TRPM3: variants seen among roughly 807,000 people sequenced by gnomAD.
The protein encoded by TRPM3 is long transient receptor potential channel 3.
TRPM3 carries 77 observed loss-of-function variants against 181.2 expected under a neutral mutation model. The ratio of observed to expected loss-of-function variants is 0.42; its 90% CI spans 0.35 to 0.51. The LOEUF (loss-of-function observed/expected upper bound fraction) is 0.51, where lower values mean the gene tolerates loss of function less well. Ranked by LOEUF, TRPM3 falls within the 20% of genes least tolerant of loss-of-function variation. The pLI, the probability that TRPM3 is intolerant of heterozygous loss-of-function variation, is 0.01. For missense variants in TRPM3, 1,759 were observed against 2,196.7 expected, an observed-to-expected ratio of 0.80 and a Z score of 3.98; for synonymous variants, 745 against 796.4, an observed-to-expected ratio of 0.94 and a Z score of 1.09.
intron 22 of TRPM3, among the ~76,000 whole-genome samples, chr9:70,568,826 C>T (rs1397682613): frequency 6.6e-6 from 1 of 152,178 alleles, no homozygotes; most frequent in Non-Finnish European, 1.5e-5. Flanking sequence ...TGTGTTCCAT[C>T]CTTTTGTCTG....
At chr9:70,630,117 A>G (rs920436870) in intron 12 of TRPM3, among the ~76,000 whole-genome samples, 3 of 152,064 alleles carry the variant, frequency 2.0e-5, no homozygotes, top group African/African-American at 7.2e-5. Flanking sequence ...ACTTATGGAT[A>G]CTCATTCAGG....
At chr9:70,920,959 C>A (rs1044811684) in intron 1 of TRPM3, among the ~76,000 whole-genome samples, 1 of 152,170 alleles carries the variant, frequency 6.6e-6, no homozygotes, top group Admixed American at 6.5e-5. Flanking sequence ...TGTTGCCAAA[C>A]AAATATACAT....
chr9:70,932,780 C>T (rs1234847145), intron 1 of TRPM3, among the ~76,000 whole-genome samples: 2 of 152,134 alleles, frequency 1.3e-5, no homozygotes, highest in African/African-American at 4.8e-5. Context: ...CTAATGGAAC[C>T]ACAGGATGCC....
chr9:71,246,390 C>T (rs902010934), intron 1 of TRPM3, among the ~76,000 whole-genome samples: 2 of 152,198 alleles, frequency 1.3e-5, no homozygotes, highest in African/African-American at 4.8e-5. Flanking sequence ...AAGAGTAGAA[C>T]AGTCAACAGA....
At chr9:71,192,947 G>T (rs898492759) in intron 1 of TRPM3, among the ~76,000 whole-genome samples, 1 of 151,812 alleles carries the variant, frequency 6.6e-6, no homozygotes, top group Admixed American at 6.6e-5. Flanking sequence ...ACATCATGCT[G>T]TCAAATACAT....
intron 3 of TRPM3, among the ~76,000 whole-genome samples, chr9:70,854,847 T>C (rs1451022113): frequency 6.6e-6 from 1 of 152,214 alleles, no homozygotes. Flanking sequence ...CTAGTTCTAG[T>C]TGAAATTGTA....
At chr9:71,339,457 T>C (rs2090799900) in intron 1 of TRPM3, among the ~76,000 whole-genome samples, 1 of 152,126 alleles carries the variant, frequency 6.6e-6, no homozygotes, top group Non-Finnish European at 1.5e-5. Context: ...TAAAACAATG[T>C]GCATACTAGT....
chr9:71,375,507 A>G (rs2092643737), intron 1 of TRPM3, among the ~76,000 whole-genome samples: 1 of 152,254 alleles, frequency 6.6e-6, no homozygotes, highest in South Asian at 2.1e-4. Context: ...TTGCAACAGA[A>G]GCGAAAATTG....
chr9:70,944,272 C>A lies in TRPM3; in HGVS notation c.178-79761G>T, dbSNP rs571497476. Among the ~76,000 whole-genome samples the A allele has an allele frequency of 2.6e-5, 4 of 152,226 alleles. 1 individual carries two copies. In the South Asian group the frequency reaches 8.3e-4, roughly 32 times the overall value. The stretch of plus-strand genomic sequence containing the variant: ...TTAATGACCACCCTGCTTGAACAAT[C>A]CCGCTTCCAATAAACACAAAGAAAT... On this transcript the variant is annotated intron_variant, in intron 1 of 25. Coordinates refer to ENST00000677713, the MANE Select transcript of TRPM3 (RefSeq NM_001366145.2).
chr9:70,919,534 A>G (rs1589776780), intron 1 of TRPM3, among the ~76,000 whole-genome samples: 1 of 152,310 alleles, frequency 6.6e-6, no homozygotes, highest in Non-Finnish European at 1.5e-5. Flanking sequence ...CTGTAATCCC[A>G]GCACTTTGGG....
intron 1 of TRPM3, among the ~76,000 whole-genome samples, chr9:71,253,998 C>A (rs2082514919): frequency 6.6e-6 from 1 of 152,170 alleles, no homozygotes; most frequent in Non-Finnish European, 1.5e-5. Context: ...TGGCTCACTG[C>A]AACCTCCACC....
intron 19 of TRPM3, among the ~76,000 whole-genome samples, chr9:70,607,776 C>CTGATT (rs1267411687): frequency 6.6e-6 from 1 of 152,156 alleles, no homozygotes; most frequent in East Asian, 1.9e-4. Context: ...ATTATTTCTA[C>CTGATT]TGATTTCTGC....
intron 11 of TRPM3, among the ~76,000 whole-genome samples, chr9:70,636,009 C>CCAT (rs1335121660): frequency 6.6e-6 from 1 of 152,094 alleles, no homozygotes; most frequent in African/African-American, 2.4e-5. Context: ...TGTTTATTAC[C>CCAT]CATCATGAAT....
chr9:70,919,069 C>G (rs187984185), intron 1 of TRPM3, among the ~76,000 whole-genome samples: 6 of 152,124 alleles, frequency 3.9e-5, no homozygotes, highest in Admixed American at 1.3e-4. Context: ...TGTCTGTGCC[C>G]CTCTCCCTGT....
At chr9:70,744,209 T>C (rs1381754978) in intron 8 of TRPM3, among the ~76,000 whole-genome samples, 1 of 151,964 alleles carries the variant, frequency 6.6e-6, no homozygotes, top group Non-Finnish European at 1.5e-5. Context: ...GTGCCTGTAA[T>C]TCCAGCTACT....
intron 1 of TRPM3, among the ~76,000 whole-genome samples, chr9:71,416,004 A>T (rs1017713840): frequency 6.7e-6 from 1 of 150,246 alleles, no homozygotes. Context: ...TTGTTATAAT[A>T]TTCCAATTTT....
At chr9:71,320,329 A>T (rs923317155) in intron 1 of TRPM3, among the ~76,000 whole-genome samples, 1 of 152,098 alleles carries the variant, frequency 6.6e-6, no homozygotes, top group Non-Finnish European at 1.5e-5. Flanking sequence ...TAAAAAAAAA[A>T]AAACAAATGC....
chr9:70,814,583 A>G (rs1194508524), intron 6 of TRPM3, among the ~76,000 whole-genome samples: 2 of 152,190 alleles, frequency 1.3e-5, no homozygotes, highest in African/African-American at 4.8e-5. Flanking sequence ...CATCAGTTTT[A>G]TACACATCCT....
intron 9 of TRPM3, among the ~76,000 whole-genome samples, chr9:70,669,432 C>A (rs2062486091): frequency 6.6e-6 from 1 of 152,174 alleles, no homozygotes; most frequent in Non-Finnish European, 1.5e-5. Context: ...GACCCTGAAA[C>A]AAAGAACACC....
Sources: allele counts gnomAD v4.1 joint callset (sites outside exome capture counted in the v4.1 genomes callset), GRCh38; gene constraint gnomAD v4.1.1; transcripts MANE v1.5; gene names NCBI Gene and HGNC (gene_info 2026-07-23, HGNC 2026-07-21).